The following CEMIP variants were observed in gnomAD, a reference collection of about 807,000 sequenced individuals.
CEMIP encodes cell migration-inducing and hyaluronan-binding protein.
CEMIP carries 105 observed loss-of-function variants against 156.9 expected under a neutral mutation model. The ratio of observed to expected loss-of-function variants is 0.67; its 90% CI spans 0.57 to 0.79. The LOEUF is 0.79. Ranked by LOEUF, CEMIP falls within the 30% of genes least tolerant of loss-of-function variation. CEMIP has a pLI of 0.00. For missense variants in CEMIP, 1,457 were observed against 1,769.4 expected, an observed-to-expected ratio of 0.82 and a Z score of 3.17; for synonymous variants, 676 against 668.4, an observed-to-expected ratio of 1.01 and a Z score of -0.17.
intron 1 of CEMIP, among the ~76,000 whole-genome samples, chr15:80,822,512 G>A (rs766447205): frequency 2.0e-5 from 3 of 152,156 alleles, no homozygotes; most frequent in African/African-American, 4.8e-5. Context: ...GTCACTGTCC[G>A]GTTCTTATGC....
rs1900491161 is a variant in CEMIP, at chr15:80,922,005, A to G, written c.2074-4A>G. On this transcript the variant is annotated splice_polypyrimidine_tract_variant and splice_region_variant and intron_variant, in intron 16 of 29. Coordinates refer to ENST00000394685, the MANE Select transcript of CEMIP (RefSeq NM_001293298.2). Reference sequence around the variant, plus strand: ...GGCTTTTCCCTTGTGTCCTTCCCCAACAGGAAACTGGATTTTGGTTTATTT... The same window carrying G: ...GGCTTTTCCCTTGTGTCCTTCCCCAGCAGGAAACTGGATTTTGGTTTATTT... 2 of 1,614,138 alleles carry G rather than the reference A, an allele frequency of 1.2e-6. No individual in the cohort carries two copies. The highest frequency in any genetic ancestry group is 1.1e-5 in the South Asian group (1 of 91,072).
At chr15:80,785,424 T>C (rs2660991) in intron 1 of CEMIP, among the ~76,000 whole-genome samples, 151,311 of 152,336 alleles carry the variant, frequency 0.99, 75,157 homozygotes, top group East Asian at 1. Flanking sequence ...TGTGCAATTG[T>C]GTTCCGTCAC....
intron 29 of CEMIP, chr15:80,947,914 G>A (rs1430751488): frequency 2.6e-5 from 4 of 152,074 alleles, no homozygotes; most frequent in African/African-American, 9.7e-5. Flanking sequence ...TCAAAGCTGG[G>A]CTTCTTAGTT....
intron 21 of CEMIP, among the ~76,000 whole-genome samples, chr15:80,931,648 AAATT>A (rs1452554327): frequency 2.0e-5 from 3 of 152,294 alleles, no homozygotes; most frequent in East Asian, 1.9e-4. Context: ...TACATGCTTT[AAATT>A]AATTAATGAA....
intron 10 of CEMIP, among the ~76,000 whole-genome samples, chr15:80,893,529 T>C (rs758875447): frequency 1.8e-4 from 27 of 152,184 alleles, no homozygotes; most frequent in Middle Eastern, 3.2e-3. Context: ...GGTCTCCAAT[T>C]GAAGAACATG....
At chr15:80,840,821 A>G (rs915603190) in intron 1 of CEMIP, among the ~76,000 whole-genome samples, 1 of 152,200 alleles carries the variant, frequency 6.6e-6, no homozygotes, top group African/African-American at 2.4e-5. Flanking sequence ...CATTAGGAAC[A>G]CCAGCAGGCT....
chr15:80,811,046 A>G (rs975484946), intron 1 of CEMIP, among the ~76,000 whole-genome samples: 1 of 152,202 alleles, frequency 6.6e-6, no homozygotes, highest in African/African-American at 2.4e-5. Context: ...CTCTAACTAC[A>G]TGCTGGGCCT....
At chr15:80,868,098 A>G (rs2141790249) in intron 1 of CEMIP, among the ~76,000 whole-genome samples, 1 of 152,236 alleles carries the variant, frequency 6.6e-6, no homozygotes, top group Non-Finnish European at 1.5e-5. Context: ...GACCCTGTGC[A>G]GGCAATCCAG....
intron 1 of CEMIP, among the ~76,000 whole-genome samples, chr15:80,802,785 G>A (rs1444074140): frequency 1.3e-5 from 2 of 152,322 alleles, no homozygotes; most frequent in South Asian, 4.1e-4. Flanking sequence ...TCTGCTACTA[G>A]CTTGCTGTAT....
intron 14 of CEMIP, among the ~76,000 whole-genome samples, chr15:80,911,590 C>G (rs1357746126): frequency 3.3e-5 from 5 of 152,236 alleles, no homozygotes; most frequent in African/African-American, 1.2e-4. Flanking sequence ...TGCTTTCTCA[C>G]TCACTTGCTG....
chr15:80,853,261 G>A (rs1897756526), intron 1 of CEMIP, among the ~76,000 whole-genome samples: 1 of 152,184 alleles, frequency 6.6e-6, no homozygotes, highest in Non-Finnish European at 1.5e-5. Context: ...ATGGAAAGGG[G>A]GGAAAAGCAT....
chr15:80,801,298 C>G (rs977569273), intron 1 of CEMIP, among the ~76,000 whole-genome samples: 3 of 152,208 alleles, frequency 2.0e-5, no homozygotes, highest in African/African-American at 7.2e-5. Context: ...TGTTTTGTAT[C>G]TATCGGCAGA....
At chr15:80,814,391 A>G (rs971907702) in intron 1 of CEMIP, among the ~76,000 whole-genome samples, 4 of 152,142 alleles carry the variant, frequency 2.6e-5, no homozygotes, top group African/African-American at 9.7e-5. Flanking sequence ...CGGCTTGGCC[A>G]CCATCTCCAG....
Position 80,937,781 on chromosome 15 carries a change from C to T in CEMIP, c.3222-13C>T. 1 of 1,614,042 alleles carries T rather than the reference C, an allele frequency of 6.2e-7. No homozygotes were observed. The highest frequency in any genetic ancestry group is 8.5e-7 in the Non-Finnish European group (1 of 1,179,868). On this transcript the variant is annotated splice_polypyrimidine_tract_variant and intron_variant, in intron 24 of 29. Coordinates refer to ENST00000394685, the MANE Select transcript of CEMIP (RefSeq NM_001293298.2). Reference sequence around the variant, plus strand: ...CACCCTTGCTTGTAACCTGACTCTACTTCCAATCCTAGGGGCGACTGGATC... The same window carrying T: ...CACCCTTGCTTGTAACCTGACTCTATTTCCAATCCTAGGGGCGACTGGATC...
At chr15:80,874,481 C>A (rs201696989) in intron 3 of CEMIP, among the ~76,000 whole-genome samples, 15 of 147,210 alleles carry the variant, frequency 1.0e-4, no homozygotes, top group East Asian at 6.3e-4. Context: ...AAAAAAAAAA[C>A]AAAAACAAAA....
At chr15:80,814,963 G>A (rs150153496) in intron 1 of CEMIP, among the ~76,000 whole-genome samples, 21 of 152,280 alleles carry the variant, frequency 1.4e-4, no homozygotes, top group African/African-American at 5.1e-4. Flanking sequence ...TGGGATTATA[G>A]ACATGAGCCA....
At chr15:80,843,873 G>A (rs1166620994) in intron 1 of CEMIP, among the ~76,000 whole-genome samples, 1 of 152,182 alleles carries the variant, frequency 6.6e-6, no homozygotes, top group Non-Finnish European at 1.5e-5. Context: ...GATCCTGGTG[G>A]CATGGCACTT....
chr15:80,863,206 G>A (rs902939764), intron 1 of CEMIP, among the ~76,000 whole-genome samples: 4 of 152,168 alleles, frequency 2.6e-5, no homozygotes, highest in Non-Finnish European at 4.4e-5. Context: ...AAAGAGTGAT[G>A]TATTTTTTAA....
At chr15:80,873,799 C>T (rs577026400) in intron 2 of CEMIP, 65 bp from the exon 3 acceptor site, 14 of 1,144,156 alleles carry the variant, frequency 1.2e-5, no homozygotes, top group Middle Eastern at 1.9e-4. Context: ...ATCTCCATGT[C>T]GGCCCTGTAT....
Sources: allele counts gnomAD v4.1 joint callset (sites outside exome capture counted in the v4.1 genomes callset), GRCh38; gene constraint gnomAD v4.1.1; transcripts MANE v1.5; gene names NCBI Gene and HGNC (gene_info 2026-07-23, HGNC 2026-07-21).